GRM1: variants seen among roughly 807,000 people sequenced by gnomAD.
GRM1 encodes glutamate metabotropic receptor 1, also known as metabotropic glutamate receptor 1.
In GRM1, 33 loss-of-function variants were observed where a neutral mutation model predicts 90.9. The ratio of observed to expected loss-of-function variants is 0.36; its 90% CI spans 0.28 to 0.49. The LOEUF is 0.49. Ranked by LOEUF, GRM1 falls within the 20% of genes least tolerant of loss-of-function variation. The pLI is 0.99. For synonymous variants in GRM1, 700 were observed against 613.2 expected, an observed-to-expected ratio of 1.14 and a Z score of -2.09; for missense variants, 1,190 against 1,534.3, an observed-to-expected ratio of 0.78 and a Z score of 3.75.
rs1777083256 is a variant in GRM1 at position 146,399,685 on chromosome 6, G to C, written c.2646G>C (p.Gly882=). ...ACATCTTCCGAAGAAAGAAGGCAGG[G>C]GCAGGGAATGCCAAGTGAGTTATCT... The part of the protein sequence containing the change: ...FLNIFRRKKA[G]AGNANSNGKS... The change falls in exon 7 of 8, where the codon GGG becomes GGC. Residue 882 remains glycine, a synonymous_variant. Transcript: ENST00000282753. The surrounding 1 kb of genome is among the most constrained non-coding windows in gnomAD (Gnocchi z 5.4). The C allele has an allele frequency of 6.2e-7, 1 of 1,610,342 alleles. No homozygotes were observed. The highest frequency in any genetic ancestry group is 2.2e-5 in the East Asian group (1 of 44,856).
intron 4 of GRM1, among the ~76,000 whole-genome samples, chr6:146,355,901 A>G (rs1202273423): frequency 2.0e-5 from 3 of 152,178 alleles, no homozygotes; most frequent in African/African-American, 7.2e-5. Context: ...CCTTCAGTCA[A>G]GCACAAAGAG....
At chr6:146,357,460 C>A in intron 4 of GRM1, 66 bp from the exon 5 acceptor site, 4 of 1,299,958 alleles carry the variant, frequency 3.1e-6, no homozygotes, top group Non-Finnish European at 4.5e-6. Context: ...TATCTACTTA[C>A]CAACTTTCTT....
chr6:146,408,669 G>T lies in GRM1; in HGVS notation c.2660+8970G>T, dbSNP rs527260324. The stretch of plus-strand genomic sequence containing the variant: ...AGCCTTATGCATTCATTATATTCGT[G>T]CTATAAAAAATAGAGGAGCTGTAAG... On this transcript the variant is annotated intron_variant, in intron 7 of 7. Coordinates refer to ENST00000282753, the MANE Select transcript of GRM1 (RefSeq NM_001278064.2). Among the ~76,000 whole-genome samples, 3 of 152,238 alleles carry T rather than the reference G, an allele frequency of 2.0e-5. No individual in the cohort carries two copies. In the South Asian group the frequency reaches 6.2e-4, roughly 32 times the overall value.
At chr6:146,078,549 C>G (rs180763180) in intron 1 of GRM1, among the ~76,000 whole-genome samples, 1 of 152,124 alleles carries the variant, frequency 6.6e-6, no homozygotes, top group African/African-American at 2.4e-5. Context: ...GTATGTGTTA[C>G]CATTCCACTG....
chr6:146,115,221 TACACACACACACACACAC>T (rs67497002), intron 1 of GRM1, among the ~76,000 whole-genome samples: 1 of 148,574 alleles, frequency 6.7e-6, no homozygotes, highest in South Asian at 2.1e-4. Context: ...ATTAAATGCA[TACACACACACACACACAC>T]ACACACACAT....
intron 2 of GRM1, among the ~76,000 whole-genome samples, chr6:146,245,472 A>G (rs544777934): frequency 6.6e-6 from 1 of 152,304 alleles, no homozygotes; most frequent in East Asian, 1.9e-4. Flanking sequence ...TACTTATCAT[A>G]ATTACTATTT....
intron 3 of GRM1, among the ~76,000 whole-genome samples, chr6:146,307,528 A>G (rs569824288): frequency 2.0e-5 from 3 of 152,248 alleles, no homozygotes; most frequent in East Asian, 1.9e-4. Flanking sequence ...ATTGGCTTCA[A>G]TGTTATTGAA....
chr6:146,286,934 A>T (rs1348050289), intron 2 of GRM1, among the ~76,000 whole-genome samples: 1 of 152,244 alleles, frequency 6.6e-6, no homozygotes, highest in Non-Finnish European at 1.5e-5. Flanking sequence ...GGAAAATATA[A>T]TGAAAATAAA....
intron 2 of GRM1, among the ~76,000 whole-genome samples, chr6:146,207,294 G>A (rs1027144655): frequency 6.6e-6 from 1 of 151,958 alleles, no homozygotes; most frequent in South Asian, 2.1e-4. Context: ...ATAAGTGTTT[G>A]TAATAACAAC....
intron 5 of GRM1, among the ~76,000 whole-genome samples, chr6:146,380,001 G>A (rs1167799609): frequency 1.3e-5 from 2 of 151,834 alleles, no homozygotes; most frequent in African/African-American, 4.8e-5. Flanking sequence ...GCTGTGAGTG[G>A]AGTGACACAA....
At chr6:146,179,512 T>G (rs1778461368) in intron 2 of GRM1, among the ~76,000 whole-genome samples, 1 of 152,146 alleles carries the variant, frequency 6.6e-6, no homozygotes, top group African/African-American at 2.4e-5. Flanking sequence ...CTCAGAACTT[T>G]TTTTGTTTTG....
chr6:146,338,522 T>C (rs902955523), intron 3 of GRM1, among the ~76,000 whole-genome samples: 1 of 152,222 alleles, frequency 6.6e-6, no homozygotes, highest in Non-Finnish European at 1.5e-5. Flanking sequence ...GTAGGACTCA[T>C]GAGCTTATGT....
intron 1 of GRM1, among the ~76,000 whole-genome samples, chr6:146,067,631 C>T (rs1248247578): frequency 6.6e-6 from 1 of 151,916 alleles, no homozygotes; most frequent in East Asian, 1.9e-4. Flanking sequence ...TTTCAAAATA[C>T]CTATCTATCA....
intron 5 of GRM1, among the ~76,000 whole-genome samples, chr6:146,359,153 A>C (rs2115058503): frequency 6.6e-6 from 1 of 152,290 alleles, no homozygotes; most frequent in East Asian, 1.9e-4. Flanking sequence ...AATGTGTAAA[A>C]GTAGTATGTA....
chr6:146,278,057 T>G (rs1356946193), intron 2 of GRM1, among the ~76,000 whole-genome samples: 1 of 152,128 alleles, frequency 6.6e-6, no homozygotes, highest in East Asian at 1.9e-4. Flanking sequence ...TGATTCCAGA[T>G]CATTTGGATT....
intron 2 of GRM1, among the ~76,000 whole-genome samples, chr6:146,251,015 G>A (rs1162345450): frequency 6.6e-6 from 1 of 152,144 alleles, no homozygotes; most frequent in Admixed American, 6.5e-5. Flanking sequence ...CAGTCCAGAT[G>A]CAATCCTTTG....
chr6:146,345,572 A>G (rs1785156272), intron 3 of GRM1, among the ~76,000 whole-genome samples: 1 of 152,216 alleles, frequency 6.6e-6, no homozygotes, highest in Non-Finnish European at 1.5e-5. Flanking sequence ...ATGAAAATAG[A>G]GATACTCAGA....
intron 2 of GRM1, among the ~76,000 whole-genome samples, chr6:146,184,352 C>T (rs556286971): frequency 6.6e-6 from 1 of 152,270 alleles, no homozygotes; most frequent in African/African-American, 2.4e-5. Flanking sequence ...ATTGGAAACT[C>T]ACTGCCTTCT....
chr6:146,300,615 G>T (rs1783342748), intron 2 of GRM1, among the ~76,000 whole-genome samples: 1 of 152,206 alleles, frequency 6.6e-6, no homozygotes, highest in Admixed American at 6.5e-5. Context: ...TTTATTTCCA[G>T]ACCCCAGCTA....
Sources: allele counts gnomAD v4.1 joint callset (sites outside exome capture counted in the v4.1 genomes callset), GRCh38; gene constraint gnomAD v4.1.1; non-coding constraint Gnocchi (gnomAD v3.1); transcripts MANE v1.5; gene names NCBI Gene and HGNC (gene_info 2026-07-23, HGNC 2026-07-21).